Variants in UBAP1 observed in about 807,000 individuals in gnomAD.
UBAP1 encodes the protein ubiquitin-associated protein 1.
A neutral mutation model predicts 39.0 loss-of-function variants in UBAP1; 5 were observed. That is an observed-to-expected ratio of 0.13 (90% CI 0.07 to 0.27). The LOEUF (loss-of-function observed/expected upper bound fraction) is 0.27, where lower values mean the gene tolerates loss of function less well. Among genes scored for constraint, UBAP1 ranks in the 10% least tolerant of loss-of-function variants. The pLI is 1.00. For missense variants in UBAP1, 490 were observed against 608.1 expected, an observed-to-expected ratio of 0.81 and a Z score of 2.04; for synonymous variants, 211 against 225.1, an observed-to-expected ratio of 0.94 and a Z score of 0.56.
At chr9:34,205,857 T>C (rs182477099) in intron 1 of UBAP1, among the ~76,000 whole-genome samples, 64 of 152,242 alleles carry the variant, frequency 4.2e-4, no homozygotes, top group African/African-American at 1.5e-3. Flanking sequence ...CCAGGTGTGG[T>C]GGCGGGCACC....
intron 1 of UBAP1, among the ~76,000 whole-genome samples, chr9:34,209,256 T>A (rs1198056831): frequency 6.6e-6 from 1 of 152,172 alleles, no homozygotes; most frequent in Non-Finnish European, 1.5e-5. Flanking sequence ...CAGCTACTTC[T>A]GATTTTGGAA....
At chr9:34,200,917 A>T (rs1831332549) in intron 1 of UBAP1, among the ~76,000 whole-genome samples, 1 of 150,920 alleles carries the variant, frequency 6.6e-6, no homozygotes, top group Non-Finnish European at 1.5e-5. Flanking sequence ...AAGTGATTTT[A>T]TTTTTTTTTG....
At chr9:34,181,328 G>T (rs922471869) in intron 1 of UBAP1, among the ~76,000 whole-genome samples, 7 of 149,380 alleles carry the variant, frequency 4.7e-5, no homozygotes, top group Non-Finnish European at 1.0e-4. Context: ...GTGTTAGCCA[G>T]GATGGTGTCC....
intron 1 of UBAP1, among the ~76,000 whole-genome samples, chr9:34,189,307 G>A (rs1830587492): frequency 6.6e-6 from 1 of 151,440 alleles, no homozygotes; most frequent in Non-Finnish European, 1.5e-5. Flanking sequence ...TTTCACCTCA[G>A]CCTCCCGAGT....
chr9:34,228,000 A>C (rs1479871335), intron 2 of UBAP1, among the ~76,000 whole-genome samples: 1 of 152,036 alleles, frequency 6.6e-6, no homozygotes, highest in Non-Finnish European at 1.5e-5. Flanking sequence ...ATGGTGGTGC[A>C]TGCCTGTAGT....
intron 1 of UBAP1, among the ~76,000 whole-genome samples, chr9:34,216,071 C>G (rs1257624160): frequency 6.6e-6 from 1 of 151,940 alleles, no homozygotes; most frequent in Non-Finnish European, 1.5e-5. Flanking sequence ...GGTCTTCTAT[C>G]TAGTTGTTCA....
chr9:34,251,700 G>A lies in UBAP1; in HGVS notation c.*168G>A. On this transcript the variant is annotated 3_prime_UTR_variant, in exon 7 of 7. Transcript: ENST00000297661. ...TCTGTGAGCCTAGGCCCTGAGCTGGGGAGGTGGGGAAGATTCGGGCATGTG... is the reference window on the plus strand; with the variant it reads ...TCTGTGAGCCTAGGCCCTGAGCTGGAGAGGTGGGGAAGATTCGGGCATGTG... The A allele has an allele frequency of 1.4e-6, 1 of 735,202 alleles. No homozygotes were observed. The highest frequency in any genetic ancestry group is 2.7e-5 in the East Asian group (1 of 36,782). 45.5% of individuals were successfully genotyped at this position (735,202 alleles called of 1,614,324 possible).
intron 2 of UBAP1, among the ~76,000 whole-genome samples, chr9:34,231,789 C>T (rs557045457): frequency 2.6e-5 from 4 of 152,106 alleles, no homozygotes; most frequent in South Asian, 4.2e-4. Flanking sequence ...GGACTACAGG[C>T]GCCCCCACTG....
chr9:34,190,148 C>A (rs1056033273), intron 1 of UBAP1, among the ~76,000 whole-genome samples: 1 of 152,162 alleles, frequency 6.6e-6, no homozygotes, highest in African/African-American at 2.4e-5. Context: ...ACCTATGTAA[C>A]AAACCTTCAC....
chr9:34,195,986 G>A (rs1029531033), intron 1 of UBAP1, among the ~76,000 whole-genome samples: 70 of 101,656 alleles, frequency 6.9e-4, no homozygotes, highest in African/African-American at 2.6e-3. Flanking sequence ...TCACTATGTT[G>A]CCTAGGCTGG....
intron 1 of UBAP1, among the ~76,000 whole-genome samples, chr9:34,196,041 G>GCA (rs1831035106): frequency 7.5e-6 from 1 of 134,178 alleles, no homozygotes; most frequent in African/African-American, 2.8e-5. Context: ...TCAGTCTCCT[G>GCA]AGTAGCTGCA....
At chr9:34,189,612 A>G (rs1303250923) in intron 1 of UBAP1, among the ~76,000 whole-genome samples, 3 of 152,104 alleles carry the variant, frequency 2.0e-5, no homozygotes, top group Non-Finnish European at 4.4e-5. Flanking sequence ...GTAGTTTGTG[A>G]ACTTTCAAAT....
At chr9:34,235,631 G>A (rs560594443) in intron 3 of UBAP1, among the ~76,000 whole-genome samples, 8 of 151,666 alleles carry the variant, frequency 5.3e-5, no homozygotes, top group African/African-American at 1.9e-4. Context: ...GAGCCACTGC[G>A]CCCGGTCAAA....
intron 1 of UBAP1, among the ~76,000 whole-genome samples, chr9:34,195,612 T>C (rs952774198): frequency 1.3e-5 from 2 of 151,922 alleles, no homozygotes; most frequent in African/African-American, 4.8e-5. Context: ...TTTTTTTTTT[T>C]CTGAGACGGA....
At chr9:34,203,768 G>A (rs1831530692) in intron 1 of UBAP1, among the ~76,000 whole-genome samples, 1 of 152,046 alleles carries the variant, frequency 6.6e-6, no homozygotes, top group Non-Finnish European at 1.5e-5. Context: ...ATAAATCTTT[G>A]ACACCGTGTG....
intron 3 of UBAP1, among the ~76,000 whole-genome samples, chr9:34,235,784 C>T (rs1206276875): frequency 6.6e-6 from 1 of 151,882 alleles, no homozygotes; most frequent in African/African-American, 2.4e-5. Context: ...CCTACAAGCT[C>T]CATTTATGGT....
intron 2 of UBAP1, among the ~76,000 whole-genome samples, chr9:34,228,197 T>C (rs1316323221): frequency 6.6e-6 from 1 of 151,682 alleles, no homozygotes; most frequent in East Asian, 2.0e-4. Flanking sequence ...GGTGGGCGGA[T>C]CATGAGGTAA....
chr9:34,205,534 T>C (rs978232646), intron 1 of UBAP1, among the ~76,000 whole-genome samples: 1 of 152,200 alleles, frequency 6.6e-6, no homozygotes, highest in Non-Finnish European at 1.5e-5. Flanking sequence ...AATTAGCTAT[T>C]AAATTTTCAG....
chr9:34,182,673 T>TCTCTCTCTC (rs1563881302), intron 1 of UBAP1, among the ~76,000 whole-genome samples: 2 of 66,996 alleles, frequency 3.0e-5, no homozygotes, highest in African/African-American at 1.0e-4. Flanking sequence ...CTTTCTTTCT[T>TCTCTCTCTC]TCTTTCTTTC....
Sources: gnomAD v4.1 joint callset for allele counts (sites outside exome capture counted in the v4.1 genomes callset) on GRCh38, gnomAD v4.1.1 for gene constraint, MANE v1.5 for transcripts, NCBI Gene and HGNC (gene_info 2026-07-23, HGNC 2026-07-21) for gene names.